Variants in BRSK2 observed in about 807,000 individuals in gnomAD.
BRSK2 encodes the protein BR serine/threonine kinase 2.
In BRSK2, 19 loss-of-function variants were observed where a neutral mutation model predicts 83.3. The observed-to-expected ratio is 0.23, with a 90% CI of 0.16 to 0.33. BRSK2 has a LOEUF of 0.33. Ranked by LOEUF, BRSK2 falls within the 10% of genes least tolerant of loss-of-function variation. BRSK2 has a pLI of 1.00. For missense variants in BRSK2, 798 were observed against 1,042.3 expected (o/e 0.77, Z 3.23); for synonymous variants, 519 against 435.4 (o/e 1.19, Z -2.39).
intron 1 of BRSK2, chr11:1,411,662 G>A (rs1388820992): frequency 7.2e-6 from 11 of 1,533,360 alleles, no homozygotes; most frequent in South Asian, 2.4e-5. Context: ...GGCTGGCCAG[G>A]GCCCCTCGAG....
At chr11:1,456,764 C>T (rs889720035) in intron 18 of BRSK2, 77 bp downstream of exon 18, 12 of 1,453,252 alleles carry the variant, frequency 8.3e-6, no homozygotes, top group African/African-American at 5.6e-5. Context: ...GGACGGGAGG[C>T]GTGAGGACCC....
chr11:1,425,372 G>A (rs1849094243), intron 1 of BRSK2, among the ~76,000 whole-genome samples: 1 of 152,212 alleles, frequency 6.6e-6, no homozygotes, highest in Admixed American at 6.5e-5. Flanking sequence ...GGGCACTGCT[G>A]CCAGACATGC....
chr11:1,444,329 A>T (rs1380338857), intron 8 of BRSK2, among the ~76,000 whole-genome samples: 1 of 152,126 alleles, frequency 6.6e-6, no homozygotes, highest in Non-Finnish European at 1.5e-5. Flanking sequence ...GCACGTGTCC[A>T]CTTGACAGAA....
chr11:1,399,476 G>A (rs1377750893), intron 1 of BRSK2, among the ~76,000 whole-genome samples: 1 of 152,190 alleles, frequency 6.6e-6, no homozygotes, highest in Non-Finnish European at 1.5e-5. Flanking sequence ...CCCAGCCGAT[G>A]GGATTTTTGT....
chr11:1,423,246 C>T lies in BRSK2; in HGVS notation c.92-12794C>T, dbSNP rs1848809800. ...TGGAGACGGTGGGGTCGTGGCCGTC[C>T]AGGCTTCAGAAACGGCAGAACCAGG... On this transcript the variant is annotated intron_variant, in intron 1 of 19. Coordinates refer to ENST00000528841, the MANE Select transcript of BRSK2 (RefSeq NM_001256627.2). The surrounding 1 kb of genome is among the most constrained non-coding windows in gnomAD (Gnocchi z 6.5). Among the ~76,000 whole-genome samples, 1 of 152,222 alleles carries T rather than the reference C, an allele frequency of 6.6e-6. No individual in the cohort carries two copies. Among genetic ancestry groups the T allele is most frequent in the South Asian group, 2.1e-4 (1 of 4,820 alleles).
At chr11:1,404,930 C>A (rs1325019922) in intron 1 of BRSK2, among the ~76,000 whole-genome samples, 1 of 141,722 alleles carries the variant, frequency 7.1e-6, no homozygotes, top group East Asian at 2.1e-4. Flanking sequence ...GCCCTCGCTG[C>A]CCCTGTGTCC....
Position 1,460,585 on chromosome 11 carries a change from G to A in BRSK2, c.2073G>A (p.Thr691=), listed in dbSNP as rs1474676185. ...KNGQAAQAPS[T]PAKRSAHGPL... is the part of the protein sequence containing the mutation. ...GGCAGGCGGCCCAGGCCCCCAGCAC[G>A]CCCGCCAAGCGGAGTGCCCACGGCC... The change falls in exon 20 of 20, where the codon ACG becomes ACA. Residue 691 remains threonine (T), a synonymous_variant. Transcript: ENST00000528841. The A allele has an allele frequency of 4.6e-6, 7 of 1,530,882 alleles. No homozygotes were observed. The highest frequency in any genetic ancestry group is 2.5e-5 in the East Asian group (1 of 40,682). 94.8% of individuals were successfully genotyped at this position (1,530,882 alleles called of 1,614,324 possible). A position where few individuals can be genotyped will look rare whatever the true frequency, so the allele number is the denominator to read the frequency against.
chr11:1,442,448 G>A (rs1264712743), intron 4 of BRSK2, 42 bp from the exon 5 acceptor site: 1 of 1,535,088 alleles, frequency 6.5e-7, no homozygotes, highest in East Asian at 2.3e-5. Context: ...GGCGCTCAAG[G>A]CAGAGACTGG....
At chr11:1,401,385 G>A (rs1320769494) in intron 1 of BRSK2, among the ~76,000 whole-genome samples, 1 of 152,252 alleles carries the variant, frequency 6.6e-6, no homozygotes, top group Non-Finnish European at 1.5e-5. Context: ...TAGTGAGTCT[G>A]TCTGCCTGGG....
intron 2 of BRSK2, 46 bp downstream of exon 2, chr11:1,436,180 CGGGGAATAG>C: frequency 3.1e-4 from 25 of 81,286 alleles, no homozygotes; most frequent in East Asian, 1.0e-3. Flanking sequence ...TGGGGTGGGG[CGGGGAATAG>C]CACAGGGGTG....
chr11:1,450,925 C>A (rs1264870251), intron 14 of BRSK2, 131 bp downstream of exon 14: 11 of 873,728 alleles, frequency 1.3e-5, no homozygotes, highest in Non-Finnish European at 1.7e-5. Flanking sequence ...GGCCTGCCCA[C>A]GTCTCACTGT....
At chr11:1,433,460 A>G (rs1849858390) in intron 1 of BRSK2, among the ~76,000 whole-genome samples, 1 of 152,230 alleles carries the variant, frequency 6.6e-6, no homozygotes. Flanking sequence ...CTCCGGCTGC[A>G]TCCTCCCAGG....
intron 8 of BRSK2, 31 bp from the exon 9 acceptor site, chr11:1,444,940 G>A (rs752147786): frequency 4.2e-5 from 68 of 1,606,400 alleles, no homozygotes; most frequent in Middle Eastern, 1.6e-4. Context: ...TCCCTCGTCC[G>A]TACTAACTCC....
intron 5 of BRSK2, 57 bp from the exon 6 acceptor site, chr11:1,443,049 G>C: frequency 2.0e-6 from 3 of 1,514,994 alleles, no homozygotes; most frequent in Non-Finnish European, 1.8e-6. Flanking sequence ...CATCACCCTG[G>C]GGGGAGGGCC....
At chr11:1,422,574 G>T (rs1848741576) in intron 1 of BRSK2, among the ~76,000 whole-genome samples, 1 of 152,134 alleles carries the variant, frequency 6.6e-6, no homozygotes, top group Non-Finnish European at 1.5e-5. Context: ...ATGGCTGACA[G>T]TCCCCACTGG....
At chr11:1,445,985 C>G (rs997874362) in intron 12 of BRSK2, 78 bp downstream of exon 12, 95 of 1,504,192 alleles carry the variant, frequency 6.3e-5, no homozygotes, top group Non-Finnish European at 8.0e-5. Context: ...TCATCGCTAC[C>G]CATTGGCCTG....
At chr11:1,455,208 G>T (rs1168384935) in intron 16 of BRSK2, among the ~76,000 whole-genome samples, 3 of 152,090 alleles carry the variant, frequency 2.0e-5, no homozygotes, top group African/African-American at 7.2e-5. Flanking sequence ...AAAGTTTATT[G>T]CCAGGACTCC....
chr11:1,448,225 A>G (rs1176901778), intron 12 of BRSK2, among the ~76,000 whole-genome samples: 1 of 152,160 alleles, frequency 6.6e-6, no homozygotes, highest in Admixed American at 6.5e-5. Flanking sequence ...GAAGCCGAGC[A>G]GCCGTCCTGT....
intron 2 of BRSK2, among the ~76,000 whole-genome samples, chr11:1,437,169 G>A (rs961751833): frequency 6.6e-6 from 1 of 152,104 alleles, no homozygotes; most frequent in Non-Finnish European, 1.5e-5. Flanking sequence ...GAATTTGGGA[G>A]GTGCCTGTGA....
Sources: allele counts gnomAD v4.1 joint callset (sites outside exome capture counted in the v4.1 genomes callset), GRCh38; gene constraint gnomAD v4.1.1; non-coding constraint Gnocchi (gnomAD v3.1); transcripts MANE v1.5; gene names NCBI Gene and HGNC (gene_info 2026-07-23, HGNC 2026-07-21).